Variants in KIF13B observed in about 807,000 individuals in gnomAD.
KIF13B encodes the protein kinesin family member 13B.
KIF13B carries 127 observed loss-of-function variants against 222.0 expected under a neutral mutation model. That is an observed-to-expected ratio of 0.57 (90% CI 0.50 to 0.66). The LOEUF is 0.66. Among genes scored for constraint, KIF13B ranks in the 30% least tolerant of loss-of-function variants. The pLI, the probability that KIF13B is intolerant of heterozygous loss-of-function variation, is 0.00. For synonymous variants in KIF13B, 976 were observed against 919.0 expected, an observed-to-expected ratio of 1.06 and a Z score of -1.12; for missense variants, 2,173 against 2,379.0, an observed-to-expected ratio of 0.91 and a Z score of 1.80.
chr8:29,075,165 A>T, intron 38 of KIF13B, 116 bp downstream of exon 38: 1 of 797,306 alleles, frequency 1.3e-6, no homozygotes, highest in Non-Finnish European at 2.1e-6. Flanking sequence ...ATTATAACTA[A>T]TTACCAAAAC....
At chr8:29,254,694 A>G (rs1185103582) in intron 1 of KIF13B, among the ~76,000 whole-genome samples, 1 of 152,244 alleles carries the variant, frequency 6.6e-6, no homozygotes, top group Non-Finnish European at 1.5e-5. Context: ...ACCTTCATGC[A>G]TTTCTATGGG....
chr8:29,136,795 G>GTTTT lies in KIF13B; in HGVS notation c.2614-2589_2614-2586dup, dbSNP rs1203051867. Among the ~76,000 whole-genome samples, 241 of 116,800 alleles carry GTTTT rather than the reference G, an allele frequency of 2.1e-3. 7 individuals carry two copies. Among genetic ancestry groups the GTTTT allele is most frequent in the African/African-American group, 7.2e-3 (221 of 30,488 alleles). The allele number at this position is 116,800 out of a possible 152,430, so 76.6% of individuals were successfully genotyped here. A position where few individuals can be genotyped will look rare whatever the true frequency, so the allele number is the denominator to read the frequency against. On this transcript the variant is annotated intron_variant, in intron 21 of 39. Transcript: ENST00000524189. ...ATGAAATGAAAGAGACCTGTAACAG[G>GTTTT]TTTTTTTTTTTTTTTTTTTTTTGAG... is the stretch of plus-strand genomic sequence containing the variant.
chr8:29,110,021 T>C lies in KIF13B; in HGVS notation c.3980A>G (p.Asn1327Ser), dbSNP rs745771696. 1.3e-6 allele frequency: 2 copies of C among 1,590,522 alleles called. No individual in the cohort carries two copies. Among genetic ancestry groups the C allele is most frequent in the Non-Finnish European group, 1.7e-6 (2 of 1,168,014 alleles). ...GTCAGCAGAAGCTGGGTTTTCAACA[T>C]TGGCTGCCATTCTTGCTAATGCTTC... is the stretch of plus-strand genomic sequence containing the variant. ...EREALARMAANVENPASADSE... is the reference protein window; with the variant it reads ...EREALARMAASVENPASADSE... Residue 1327 changes from asparagine (N) to serine (S), a missense_variant, in exon 33 of 40, where the codon AAT becomes AGT. Around this residue, in one of 2 missense-constraint regions of KIF13B, gnomAD observed 1,480 missense variants for 1,722.8 expected, o/e 0.86. Coordinates refer to ENST00000524189, the MANE Select transcript of KIF13B (RefSeq NM_015254.4).
rs1810152634 is a variant in KIF13B at position 29,127,232 on chromosome 8, C to T, written c.3112G>A (p.Val1038Met). ...SRRVQVEVKS[V>M]QESGTLPLME... ...AGTGGTAAAGTCCCAGATTCCTGCA[C>T]TGACTTCACTTCGACTTGAACTCTC... The change falls in exon 25 of 40, where the codon GTG becomes ATG. Residue 1038 changes from valine to methionine, a missense_variant. By Grantham distance (21) the Val-to-Met change is conservative. Transcript: ENST00000524189. 1.2e-6 allele frequency: 2 copies of T among 1,613,972 alleles called. No individual in the cohort carries two copies. Among genetic ancestry groups the T allele is most frequent in the African/African-American group, 1.3e-5 (1 of 75,046 alleles).
At chr8:29,170,896 A>G (rs571421022) in intron 10 of KIF13B, among the ~76,000 whole-genome samples, 2 of 152,330 alleles carry the variant, frequency 1.3e-5, no homozygotes, top group East Asian at 3.9e-4. Context: ...TGGCCAACAT[A>G]GTGAGACCCT....
At position 29,087,483 on chromosome 8, in the gene KIF13B, A is replaced by C. The variant is rs1243510333; in HGVS notation, c.4458+5262T>G. Among the ~76,000 whole-genome samples the C allele has an allele frequency of 2.6e-5, 4 of 152,210 alleles. No individual in the cohort carries two copies. In the East Asian group the frequency reaches 7.7e-4, roughly 29 times the overall value. ...AGGAATGAATCTGAAGTTCCTCATTATTTTCACACATCAATTAGACCACAT... is the reference window on the plus strand; with the variant it reads ...AGGAATGAATCTGAAGTTCCTCATTCTTTTCACACATCAATTAGACCACAT... On this transcript the variant is annotated intron_variant, in intron 37 of 39. Coordinates refer to ENST00000524189, the MANE Select transcript of KIF13B (RefSeq NM_015254.4).
At chr8:29,101,120 C>T (rs1425810017) in intron 35 of KIF13B, among the ~76,000 whole-genome samples, 2 of 152,152 alleles carry the variant, frequency 1.3e-5, no homozygotes, top group African/African-American at 4.8e-5. Flanking sequence ...ATGAATCATA[C>T]GCTGATTTAC....
intron 30 of KIF13B, 139 bp from the exon 31 acceptor site, chr8:29,117,146 A>G (rs531097709): frequency 3.2e-6 from 2 of 621,018 alleles, no homozygotes; most frequent in African/African-American, 1.8e-5. Flanking sequence ...CTGCCCTGAA[A>G]AGACAATGGA....
chr8:29,158,148 C>T (rs1185275117), intron 13 of KIF13B, among the ~76,000 whole-genome samples: 1 of 152,230 alleles, frequency 6.6e-6, no homozygotes, highest in East Asian at 1.9e-4. Context: ...AAAGTCACAT[C>T]CTCAGAGAGG....
At chr8:29,222,294 G>A (rs1178057943) in intron 2 of KIF13B, among the ~76,000 whole-genome samples, 3 of 152,086 alleles carry the variant, frequency 2.0e-5, no homozygotes, top group African/African-American at 7.2e-5. Flanking sequence ...AGGTTGCAGT[G>A]AGCTGTGTTC....
intron 11 of KIF13B, 137 bp from the exon 12 acceptor site, chr8:29,165,909 T>TGTAGATCGAAGTACCTCGAC: frequency 5.7e-6 from 3 of 528,360 alleles, no homozygotes; most frequent in Non-Finnish European, 9.8e-6. Context: ...TCTACTTCGA[T>TGTAGATCGAAGTACCTCGAC]TGTAGATCGA....
intron 1 of KIF13B, among the ~76,000 whole-genome samples, chr8:29,247,204 G>A (rs1816063770): frequency 6.6e-6 from 1 of 152,074 alleles, no homozygotes; most frequent in Admixed American, 6.5e-5. Flanking sequence ...GAGCAACATA[G>A]TGAGACCCCC....
chr8:29,220,674 T>C (rs998925671), intron 2 of KIF13B, among the ~76,000 whole-genome samples: 4 of 151,728 alleles, frequency 2.6e-5, no homozygotes, highest in Non-Finnish European at 5.9e-5. Flanking sequence ...CAGAAAAAGA[T>C]ACATACAAAC....
At chr8:29,159,851 C>T (rs1006369668) in intron 13 of KIF13B, among the ~76,000 whole-genome samples, 3 of 152,204 alleles carry the variant, frequency 2.0e-5, no homozygotes, top group Non-Finnish European at 2.9e-5. Context: ...GAGTCACTGA[C>T]CCAGGATCTC....
At chr8:29,107,483 G>A (rs79351636) in intron 35 of KIF13B, among the ~76,000 whole-genome samples, 16,518 of 151,906 alleles carry the variant, frequency 0.11, 1,184 homozygotes, top group East Asian at 0.24. Flanking sequence ...AGCCGAGATC[G>A]CGTCATTGCA....
At chr8:29,199,024 C>T (rs924969336) in intron 2 of KIF13B, among the ~76,000 whole-genome samples, 5 of 151,856 alleles carry the variant, frequency 3.3e-5, no homozygotes, top group African/African-American at 1.2e-4. Flanking sequence ...CATTGTATAA[C>T]TCATCCGTGT....
At chr8:29,164,284 T>G (rs1811898167) in intron 12 of KIF13B, among the ~76,000 whole-genome samples, 1 of 152,234 alleles carries the variant, frequency 6.6e-6, no homozygotes, top group Non-Finnish European at 1.5e-5. Flanking sequence ...CAAGATGGAA[T>G]CTACTGAGTG....
chr8:29,115,173 T>C (rs1487317181), intron 31 of KIF13B, among the ~76,000 whole-genome samples: 3 of 152,144 alleles, frequency 2.0e-5, no homozygotes, highest in Non-Finnish European at 4.4e-5. Context: ...CTGTCAACCA[T>C]GACTGTGCTC....
intron 7 of KIF13B, 41 bp downstream of exon 7, chr8:29,181,878 C>T: frequency 7.0e-7 from 1 of 1,438,462 alleles, no homozygotes; most frequent in Non-Finnish European, 9.6e-7. Flanking sequence ...CCCCACCCTA[C>T]TACACTAAAT....
Sources: gnomAD v4.1 joint callset for allele counts (sites outside exome capture counted in the v4.1 genomes callset) on GRCh38, gnomAD v4.1.1 for gene constraint, gnomAD v4.1.1 regional missense constraint, MANE v1.5 for transcripts, NCBI Gene and HGNC (gene_info 2026-07-23, HGNC 2026-07-21) for gene names.